Variants in THADA observed in about 807,000 individuals in gnomAD.
THADA encodes THADA armadillo repeat containing.
THADA carries 213 observed loss-of-function variants against 219.8 expected under a neutral mutation model. The observed-to-expected ratio is 0.97, with a 90% CI of 0.87 to 1.09. THADA has a LOEUF of 1.09. THADA is among the 50% of genes least tolerant of loss of function. The pLI is 0.00. For missense variants in THADA, 2,956 were observed against 2,311.3 expected, an observed-to-expected ratio of 1.28 and a Z score of -5.72; for synonymous variants, 1,018 against 828.9, an observed-to-expected ratio of 1.23 and a Z score of -3.92.
At chr2:43,346,119 G>A (rs1244906517) in intron 29 of THADA, among the ~76,000 whole-genome samples, 1 of 152,118 alleles carries the variant, frequency 6.6e-6, no homozygotes, top group African/African-American at 2.4e-5. Flanking sequence ...GCATGTCAAA[G>A]GGCCAGGGTC....
At chr2:43,549,441 C>T (rs1055811580) in intron 19 of THADA, 73 bp from the exon 20 acceptor site, 41 of 1,420,038 alleles carry the variant, frequency 2.9e-5, no homozygotes, top group Non-Finnish European at 3.9e-5. Flanking sequence ...GGGATGCTTA[C>T]TCAAAAAATC....
intron 28 of THADA, among the ~76,000 whole-genome samples, chr2:43,405,880 T>C (rs1288503561): frequency 6.6e-6 from 1 of 152,152 alleles, no homozygotes; most frequent in Non-Finnish European, 1.5e-5. Flanking sequence ...AAAAAAATTA[T>C]GAAGAAAGGC....
chr2:43,501,241 G>A (rs1266021818), intron 24 of THADA, among the ~76,000 whole-genome samples: 2 of 139,512 alleles, frequency 1.4e-5, no homozygotes, highest in East Asian at 4.4e-4. Context: ...AGGAGGCGGA[G>A]GTTGCAGTGA....
In THADA at chr2:43,357,956, G is replaced by T. The variant is rs117273071; in HGVS notation, c.4228-13719C>A. The stretch of plus-strand genomic sequence containing the variant: ...CATAGCAAATTGCAAAAACAGCATA[G>T]TCAGTGTACCTTTCACTCAGCTTCC... On this transcript the variant is annotated intron_variant, in intron 29 of 37. Transcript: ENST00000405975. Among the ~76,000 whole-genome samples, 586 of 152,214 alleles carry T rather than the reference G, an allele frequency of 3.8e-3. 12 individuals are homozygous for T. The highest frequency in any genetic ancestry group is 0.037 in the East Asian group (193 of 5,174).
chr2:43,549,159 T>G, intron 20 of THADA, 51 bp downstream of exon 20: 1 of 1,430,226 alleles, frequency 7.0e-7, no homozygotes. Context: ...ATTCTGTACA[T>G]TTTACTGGTT....
chr2:43,336,821 A>G (rs1039616312), intron 30 of THADA, among the ~76,000 whole-genome samples: 2 of 152,228 alleles, frequency 1.3e-5, no homozygotes, highest in Non-Finnish European at 2.9e-5. Context: ...ATAGCAAGGG[A>G]TACAAACTCC....
In THADA at chr2:43,293,038, C is replaced by T. The variant is rs765155424; in HGVS notation, c.4614G>A (p.Glu1538=). Residue 1538 remains glutamate, a synonymous_variant, in exon 32 of 38, where the codon GAG becomes GAA. Coordinates refer to ENST00000405975, the MANE Select transcript of THADA (RefSeq NM_022065.5). The part of the protein sequence containing the change: ...WAAAAKSGER[E]TNVPISFSQL... ...GAGAGAAAGAGATGGGGACATTCGT[C>T]TCCCGCTCTCCACTCTTGGCTGCCG... 1 of 1,613,988 alleles carries T rather than the reference C, an allele frequency of 6.2e-7. No individual in the cohort carries two copies. Among genetic ancestry groups the T allele is most frequent in the South Asian group, 1.1e-5 (1 of 91,080 alleles).
chr2:43,475,327 G>T (rs1037059384), intron 26 of THADA, among the ~76,000 whole-genome samples: 3 of 151,680 alleles, frequency 2.0e-5, no homozygotes, highest in Non-Finnish European at 4.4e-5. Context: ...GAGGCGGCGG[G>T]AGGATGGCTT....
chr2:43,556,859 G>A (rs181028369), intron 16 of THADA, among the ~76,000 whole-genome samples: 3 of 152,268 alleles, frequency 2.0e-5, no homozygotes, highest in Admixed American at 2.0e-4. Flanking sequence ...GAGGTTAGGA[G>A]TCTTGAGACC....
intron 30 of THADA, among the ~76,000 whole-genome samples, chr2:43,338,996 G>A (rs528286892): frequency 1.3e-5 from 2 of 152,024 alleles, no homozygotes; most frequent in African/African-American, 4.8e-5. Flanking sequence ...ATACTATCGA[G>A]TGAAAAAAGG....
At chr2:43,402,696 C>G (rs1047465098) in intron 28 of THADA, among the ~76,000 whole-genome samples, 6 of 152,214 alleles carry the variant, frequency 3.9e-5, no homozygotes, top group Admixed American at 2.0e-4. Context: ...AAATCACTGC[C>G]TAGGCCACAA....
Position 43,231,098 on chromosome 2 carries a change from T to C in THADA, c.5712A>G (p.Leu1904=), listed in dbSNP as rs922750032. ...CCAAAGTCCTTTCCTCTTGAATGCG[T>C]AGTCTTGTGAACTCCACTGTCTTCA... is the stretch of plus-strand genomic sequence containing the variant. The part of the protein sequence containing the change: ...EFVKTVEFTR[L]RIQEERTLAC... The change falls in exon 38 of 38, where the codon CTA becomes CTG. Residue 1904 remains leucine (L), a synonymous_variant. Transcript: ENST00000405975. 2 of 1,613,934 alleles carry C rather than the reference T, an allele frequency of 1.2e-6. No individual in the cohort carries two copies. Among genetic ancestry groups the C allele is most frequent in the African/African-American group, 1.3e-5 (1 of 75,056 alleles).
chr2:43,410,567 T>C (rs917896163), intron 28 of THADA, among the ~76,000 whole-genome samples: 2 of 152,218 alleles, frequency 1.3e-5, no homozygotes, highest in African/African-American at 4.8e-5. Context: ...AGAAACAAGC[T>C]ACGGATATAC....
chr2:43,438,882 A>G (rs1473345982), intron 26 of THADA, among the ~76,000 whole-genome samples: 2 of 152,236 alleles, frequency 1.3e-5, no homozygotes, highest in Non-Finnish European at 1.5e-5. Context: ...GAACAATTAT[A>G]ACAATATATT....
chr2:43,368,238 T>C (rs377134997), intron 29 of THADA, among the ~76,000 whole-genome samples: 44 of 152,304 alleles, frequency 2.9e-4, no homozygotes, highest in African/African-American at 9.4e-4. Flanking sequence ...ATTATCAGTG[T>C]GTCATCTATC....
intron 28 of THADA, among the ~76,000 whole-genome samples, chr2:43,410,789 A>T (rs1050806622): frequency 2.0e-5 from 3 of 152,204 alleles, no homozygotes; most frequent in Non-Finnish European, 4.4e-5. Flanking sequence ...TTACCATGAC[A>T]GTGATGATGG....
At chr2:43,504,723 G>C (rs1172449415) in intron 24 of THADA, among the ~76,000 whole-genome samples, 1 of 152,130 alleles carries the variant, frequency 6.6e-6, no homozygotes, top group Non-Finnish European at 1.5e-5. Flanking sequence ...TCAAACTCCT[G>C]ACCTCAGCTG....
intron 36 of THADA, among the ~76,000 whole-genome samples, chr2:43,241,205 C>G (rs55660511): frequency 0.12 from 17,725 of 152,004 alleles, 1,462 homozygotes; most frequent in African/African-American, 0.23. Flanking sequence ...CCTCCCACCT[C>G]AGCCTCCCTG....
At chr2:43,437,531 C>G (rs1261438682) in intron 26 of THADA, among the ~76,000 whole-genome samples, 1 of 152,140 alleles carries the variant, frequency 6.6e-6, no homozygotes, top group African/African-American at 2.4e-5. Flanking sequence ...ATGAGACAAA[C>G]TGAATGGATT....
Sources: gnomAD v4.1 joint callset for allele counts (sites outside exome capture counted in the v4.1 genomes callset) on GRCh38, gnomAD v4.1.1 for gene constraint, MANE v1.5 for transcripts, NCBI Gene and HGNC (gene_info 2026-07-23, HGNC 2026-07-21) for gene names.